VTI1A: variants seen among roughly 807,000 people sequenced by gnomAD.
The protein encoded by VTI1A is vesicle transport through interaction with t-SNAREs 1A, also known as vesicle transport through interaction with t-SNAREs homolog 1A.
A neutral mutation model predicts 34.9 loss-of-function variants in VTI1A; 22 were observed. The ratio of observed to expected loss-of-function variants is 0.63; its 90% CI spans 0.45 to 0.90. VTI1A has a LOEUF of 0.90. VTI1A is among the 40% of genes least tolerant of loss of function. The pLI, the probability that VTI1A is intolerant of heterozygous loss-of-function variation, is 0.00. For synonymous variants in VTI1A, 87 were observed against 97.3 expected (o/e 0.89, Z 0.62); for missense variants, 268 against 275.6 (o/e 0.97, Z 0.20).
intron 7 of VTI1A, among the ~76,000 whole-genome samples, chr10:112,803,435 T>G (rs1852947824): frequency 6.6e-6 from 1 of 152,190 alleles, no homozygotes; most frequent in African/African-American, 2.4e-5. Context: ...ACTGATGGAT[T>G]TGAGTTGCCG....
chr10:112,705,158 C>T (rs565195913), intron 7 of VTI1A, among the ~76,000 whole-genome samples: 47 of 152,022 alleles, frequency 3.1e-4, no homozygotes, highest in Non-Finnish European at 5.1e-4. Context: ...CTGCCTCAGA[C>T]TCCCAAAGTA....
rs1384423787 is a variant in VTI1A, at chr10:112,816,355, A to G, written c.*972A>G. On this transcript the variant is annotated 3_prime_UTR_variant, in exon 8 of 8. Coordinates refer to ENST00000393077, the MANE Select transcript of VTI1A (RefSeq NM_145206.4). ...TTTCAAATGTGATTATAAATATGGG[A>G]GAGTCCTATAGGAGGGTCCACCAGA... The G allele has an allele frequency of 4.5e-6, 1 of 220,740 alleles. No homozygotes were observed. Among genetic ancestry groups the G allele is most frequent in the Non-Finnish European group, 9.1e-6 (1 of 110,226 alleles). 13.7% of individuals were successfully genotyped at this position (220,740 alleles called of 1,614,324 possible).
At chr10:112,561,499 A>G (rs776589969) in intron 5 of VTI1A, among the ~76,000 whole-genome samples, 27 of 152,308 alleles carry the variant, frequency 1.8e-4, no homozygotes, top group Admixed American at 3.9e-4. Flanking sequence ...TTTCCATTTT[A>G]TTATATGATA....
At chr10:112,500,866 A>G (rs1268161709) in intron 3 of VTI1A, among the ~76,000 whole-genome samples, 4 of 152,134 alleles carry the variant, frequency 2.6e-5, no homozygotes, top group East Asian at 1.9e-4. Flanking sequence ...TATACATGCT[A>G]TGTCCTTATC....
In VTI1A at chr10:112,707,720, A is replaced by C. The variant is rs544763834; in HGVS notation, c.560+38722A>C. 3.3e-5 allele frequency among the ~76,000 whole-genome samples: 5 copies of C among 152,308 alleles called. No individual in the cohort carries two copies. The South Asian group carries it at 1.0e-3, about 32-fold the overall frequency. On this transcript the variant is annotated intron_variant, in intron 7 of 7. Coordinates refer to ENST00000393077, the MANE Select transcript of VTI1A (RefSeq NM_145206.4). Reference sequence around the variant, plus strand: ...ATAATTGAATGTTTTATTGGCATTTAAGTTTTCCAGACCTGTCTCTGATTT... The same window carrying C: ...ATAATTGAATGTTTTATTGGCATTTCAGTTTTCCAGACCTGTCTCTGATTT...
intron 7 of VTI1A, among the ~76,000 whole-genome samples, chr10:112,730,479 TA>T: frequency 6.6e-6 from 1 of 152,328 alleles, no homozygotes; most frequent in South Asian, 2.1e-4. Flanking sequence ...CCAGGATGCC[TA>T]AGTGTCACCT....
intron 5 of VTI1A, among the ~76,000 whole-genome samples, chr10:112,653,204 G>GT (rs1024277062): frequency 2.0e-5 from 3 of 152,126 alleles, no homozygotes; most frequent in African/African-American, 7.2e-5. Context: ...TAGCTGAAGT[G>GT]TTTCCATTTG....
intron 7 of VTI1A, among the ~76,000 whole-genome samples, chr10:112,726,049 T>C (rs1027470135): frequency 2.0e-5 from 3 of 152,150 alleles, no homozygotes; most frequent in East Asian, 1.9e-4. Flanking sequence ...ACACCAAGGG[T>C]AGATTTCCCC....
chr10:112,624,954 C>T (rs779066937), intron 5 of VTI1A, among the ~76,000 whole-genome samples: 4 of 151,968 alleles, frequency 2.6e-5, no homozygotes, highest in Non-Finnish European at 5.9e-5. Context: ...AAAAATTAGC[C>T]AGGCACAGTG....
chr10:112,678,803 A>C (rs1590060502), intron 7 of VTI1A, among the ~76,000 whole-genome samples: 1 of 152,196 alleles, frequency 6.6e-6, no homozygotes, highest in East Asian at 1.9e-4. Context: ...CTGCTTTTCA[A>C]AGTGCAGTTA....
intron 7 of VTI1A, among the ~76,000 whole-genome samples, chr10:112,765,629 G>A (rs1157206845): frequency 6.6e-6 from 1 of 152,234 alleles, no homozygotes; most frequent in African/African-American, 2.4e-5. Context: ...AAGGGACACA[G>A]TTTCTGCCCT....
rs916385212 is a variant in VTI1A at position 112,660,722 on chromosome 10, C to T, written c.428-7496C>T. Among the ~76,000 whole-genome samples the T allele has an allele frequency of 1.1e-4, 17 of 152,262 alleles. 2 individuals are homozygous for T. The highest frequency in any genetic ancestry group is 9.8e-4 in the Admixed American group (15 of 15,302). ...TTGAAATTTAAATAGCCCCATGTGGCTAGTGGGTACTGTGTAATATTGCAG... is the reference window on the plus strand; with the variant it reads ...TTGAAATTTAAATAGCCCCATGTGGTTAGTGGGTACTGTGTAATATTGCAG... On this transcript the variant is annotated intron_variant, in intron 5 of 7. Transcript: ENST00000393077.
At chr10:112,676,729 A>G (rs983492751) in intron 7 of VTI1A, among the ~76,000 whole-genome samples, 3 of 152,140 alleles carry the variant, frequency 2.0e-5, no homozygotes, top group African/African-American at 7.2e-5. Context: ...TTTGCCACCT[A>G]TATAAGTCAA....
At chr10:112,828,967 G>T in the VTI1A span, among the ~76,000 whole-genome samples, 2 of 152,030 alleles carry the variant, frequency 1.3e-5, no homozygotes, top group African/African-American at 2.4e-5. Context: ...CAGAGCCCAA[G>T]GGTACTAAGG....
At chr10:112,737,245 A>G (rs1317472944) in intron 7 of VTI1A, 1 of 753,134 alleles carries the variant, frequency 1.3e-6, no homozygotes, top group Non-Finnish European at 1.6e-6. Context: ...TAATTTTTGT[A>G]TTTCTTTTTT....
chr10:112,746,349 A>G (rs934897317), intron 7 of VTI1A, among the ~76,000 whole-genome samples: 2 of 152,122 alleles, frequency 1.3e-5, no homozygotes, highest in Admixed American at 6.5e-5. Flanking sequence ...CAGTTCAGAA[A>G]TGGTGGGACA....
intron 5 of VTI1A, among the ~76,000 whole-genome samples, chr10:112,623,337 G>T (rs192214427): frequency 6.2e-4 from 94 of 151,940 alleles, no homozygotes; most frequent in African/African-American, 2.0e-3. Context: ...AAAACACCAT[G>T]TTCCCATTTT....
At position 112,701,792 on chromosome 10, in the gene VTI1A, T is replaced by A. The variant is rs560057596; in HGVS notation, c.560+32794T>A. 2.0e-5 allele frequency among the ~76,000 whole-genome samples: 3 copies of A among 152,332 alleles called. No homozygotes were observed. The East Asian group carries it at 5.8e-4, about 29-fold the overall frequency. On this transcript the variant is annotated intron_variant, in intron 7 of 7. Coordinates refer to ENST00000393077, the MANE Select transcript of VTI1A (RefSeq NM_145206.4). The stretch of plus-strand genomic sequence containing the variant: ...GGTTCATGTTCCCAAGGTTAAGAAA[T>A]GCAGAGAGCCAACTTTTATTAGTAA...
rs1022539852 is a variant in VTI1A at position 112,680,928 on chromosome 10, G to T, written c.560+11930G>T. Among the ~76,000 whole-genome samples, 11 of 152,214 alleles carry T rather than the reference G, an allele frequency of 7.2e-5. 1 individual carries two copies. Among genetic ancestry groups the T allele is most frequent in the Non-Finnish European group, 1.3e-4 (9 of 68,022 alleles). ...CAGGCAAACAGTGGTGATGGTGTTGGGGTGTTAGGAAGATGTTTGGCCACA... is the reference window on the plus strand; with the variant it reads ...CAGGCAAACAGTGGTGATGGTGTTGTGGTGTTAGGAAGATGTTTGGCCACA... On this transcript the variant is annotated intron_variant, in intron 7 of 7. Transcript: ENST00000393077.
Sources: gnomAD v4.1 joint callset for allele counts (sites outside exome capture counted in the v4.1 genomes callset) on GRCh38, gnomAD v4.1.1 for gene constraint, MANE v1.5 for transcripts, NCBI Gene and HGNC (gene_info 2026-07-23, HGNC 2026-07-21) for gene names.